The following TRANK1 variants were observed in gnomAD, a reference collection of about 807,000 sequenced individuals.
The protein encoded by TRANK1 is tetratricopeptide repeat and ankyrin repeat containing 1.
Under a neutral mutation model 266.0 loss-of-function variants are expected in TRANK1, and 198 were observed. The observed-to-expected ratio is 0.74, with a 90% confidence interval of 0.66 to 0.84. The LOEUF (loss-of-function observed/expected upper bound fraction) is 0.84, where lower values mean the gene tolerates loss of function less well. TRANK1 is among the 40% of genes least tolerant of loss of function. The probability of loss-of-function intolerance (pLI) is 0.00; values close to 1 mark genes in which losing one functional copy is unlikely to be tolerated. For missense variants in TRANK1, 3,326 were observed against 3,634.6 expected (o/e 0.92, Z 2.18); for synonymous variants, 1,396 against 1,384.1 (o/e 1.01, Z -0.19).
chr3:36,861,282 T>C, intron 10 of TRANK1, 122 bp from the exon 11 acceptor site: 1 of 1,232,920 alleles, frequency 8.1e-7, no homozygotes, highest in South Asian at 1.6e-5. Context: ...AGTTGATTAT[T>C]TGGGCCATGT....
At chr3:36,861,204 G>A (rs2079137802) in intron 10 of TRANK1, 44 bp from the exon 11 acceptor site, 4 of 1,517,202 alleles carry the variant, frequency 2.6e-6, no homozygotes, top group Non-Finnish European at 2.6e-6. Context: ...ATGTTCATAT[G>A]ATTTCTCTTC....
At position 36,857,196 on chromosome 3, in the gene TRANK1, C is replaced by A; in HGVS notation, c.2526G>T (p.Met842Ile). The change falls in exon 13 of 24, where the codon ATG (methionine) becomes ATT (isoleucine). Residue 842 changes from methionine to isoleucine, a missense_variant. Met to Ile is a conservative substitution (Grantham distance 10). Transcript: ENST00000645898. This position sits in a 1 kb window ranked among gnomAD's most constrained non-coding sequence, Gnocchi z 4.3. ...TTACCTTACTAGACAGCTTCTTCAGCATTTCTGAAGTGCACTCGATCTCCC... is the reference window on the plus strand; with the variant it reads ...TTACCTTACTAGACAGCTTCTTCAGAATTTCTGAAGTGCACTCGATCTCCC... The part of the protein sequence containing the change: ...MTWEIECTSE[M>I]LKKLSSKVMT... 6.2e-7 allele frequency: 1 copy of A among 1,613,962 alleles called. No individual in the cohort carries two copies. The highest frequency in any genetic ancestry group is 1.1e-5 in the South Asian group (1 of 91,082).
chr3:36,895,767 A>C lies in TRANK1; in HGVS notation c.434-9T>G, dbSNP rs1335084669. 2 of 1,512,650 alleles carry C rather than the reference A, an allele frequency of 1.3e-6. No individual in the cohort carries two copies. The highest frequency in any genetic ancestry group is 2.5e-5 in the South Asian group (2 of 80,810). The allele number at this position is 1,512,650 out of a possible 1,614,324, so 93.7% of individuals were successfully genotyped here. A position where few individuals can be genotyped will look rare whatever the true frequency, so the allele number is the denominator to read the frequency against. The stretch of plus-strand genomic sequence containing the variant: ...CAAAACAATGGAGTCACCTAAAAGA[A>C]AGTTTCATAATTTAGGGATTTTAAT... On this transcript the variant is annotated splice_polypyrimidine_tract_variant and intron_variant, in intron 4 of 23. Coordinates refer to ENST00000645898, the MANE Select transcript of TRANK1 (RefSeq NM_001329998.2).
Position 36,857,938 on chromosome 3 carries a change from A to C in TRANK1, c.1784T>G (p.Met595Arg). ...CATGCCCTTCTGGAAGAGGATGTGCATCAGCGTGTTCCCATTGCTGTCCTG... is the reference window on the plus strand; with the variant it reads ...CATGCCCTTCTGGAAGAGGATGTGCCTCAGCGTGTTCCCATTGCTGTCCTG... The part of the protein sequence containing the change: ...NVQDSNGNTL[M>R]HILFQKGMLK... Residue 595 changes from methionine to arginine, a missense_variant, in exon 13 of 24, where the codon ATG becomes AGG. Transcript: ENST00000645898. This position sits in a 1 kb window ranked among gnomAD's most constrained non-coding sequence, Gnocchi z 4.3. 1.2e-6 allele frequency: 2 copies of C among 1,604,138 alleles called. No homozygotes were observed. The highest frequency in any genetic ancestry group is 1.7e-6 in the Non-Finnish European group (2 of 1,179,844).
chr3:36,857,772 C>A lies in TRANK1; in HGVS notation c.1950G>T (p.Met650Ile). The A allele has an allele frequency of 6.2e-7, 1 of 1,614,034 alleles. No homozygotes were observed. The highest frequency in any genetic ancestry group is 8.5e-7 in the Non-Finnish European group (1 of 1,179,896). ...SLLLAWNKAL[M>I]ENRRRSRQDS... is the part of the protein sequence containing the mutation. ...CCTGCCGGCTCCTCCTCCTGTTCTC[C>A]ATCAGAGCTTTGTTCCAGGCCAAGA... Residue 650 changes from methionine to isoleucine, a missense_variant, in exon 13 of 24, where the codon ATG (methionine) becomes ATT (isoleucine). By Grantham distance (10) the Met-to-Ile change is conservative. Coordinates refer to ENST00000645898, the MANE Select transcript of TRANK1 (RefSeq NM_001329998.2). This position sits in a 1 kb window ranked among gnomAD's most constrained non-coding sequence, Gnocchi z 4.3.
Position 36,847,314 on chromosome 3 carries a change from G to A in TRANK1, c.4920C>T (p.Phe1640=). 1.2e-6 allele frequency: 2 copies of A among 1,613,656 alleles called. No homozygotes were observed. Among genetic ancestry groups the A allele is most frequent in the Non-Finnish European group, 1.7e-6 (2 of 1,179,748 alleles). ...AYKEWKIISS[F]TPTSTDSREE... ...CTCTGGAGTCAGTTGAGGTAGGTGT[G>A]AATGAGGAAATGATCTTCCATTCCT... The change falls in exon 16 of 24, where the codon TTC becomes TTT. Residue 1640 remains phenylalanine, a synonymous_variant. Transcript: ENST00000645898.
At chr3:36,891,304 C>G (rs2079691702) in intron 7 of TRANK1, among the ~76,000 whole-genome samples, 1 of 152,136 alleles carries the variant, frequency 6.6e-6, no homozygotes, top group African/African-American at 2.4e-5. Context: ...CACGTCACTG[C>G]ACTCCCCCAG....
intron 1 of TRANK1, among the ~76,000 whole-genome samples, chr3:36,938,365 C>T (rs1044812798): frequency 1.1e-4 from 16 of 152,006 alleles, no homozygotes; most frequent in Admixed American, 2.6e-4. Context: ...ATTACAGGCG[C>T]CCGCCACCAT....
intron 3 of TRANK1, among the ~76,000 whole-genome samples, chr3:36,901,499 T>C (rs1429362991): frequency 6.6e-6 from 1 of 152,182 alleles, no homozygotes; most frequent in African/African-American, 2.4e-5. Context: ...TTATTAAAAA[T>C]ATCATAGAAG....
At chr3:36,866,169 A>G (rs951461148) in intron 9 of TRANK1, among the ~76,000 whole-genome samples, 7 of 152,210 alleles carry the variant, frequency 4.6e-5, no homozygotes, top group Admixed American at 2.6e-4. Context: ...TTAGGTATCA[A>G]AAAGTATTGT....
chr3:36,938,198 T>A (rs2080448766), intron 1 of TRANK1, among the ~76,000 whole-genome samples: 1 of 151,744 alleles, frequency 6.6e-6, no homozygotes, highest in African/African-American at 2.4e-5. Flanking sequence ...CCTCTGGGTT[T>A]TTTTGTTTGT....
At chr3:36,904,952 C>T (rs2079940089) in intron 2 of TRANK1, among the ~76,000 whole-genome samples, 1 of 151,758 alleles carries the variant, frequency 6.6e-6, no homozygotes, top group African/African-American at 2.4e-5. Context: ...TACACCCATA[C>T]TAGGGACTGA....
chr3:36,869,596 TA>T (rs2079276776), intron 9 of TRANK1, among the ~76,000 whole-genome samples: 1 of 152,226 alleles, frequency 6.6e-6, no homozygotes. Flanking sequence ...GGGGAAGGAT[TA>T]AGGTCCATAA....
At chr3:36,921,563 T>A (rs979455598) in intron 1 of TRANK1, among the ~76,000 whole-genome samples, 1 of 152,182 alleles carries the variant, frequency 6.6e-6, no homozygotes, top group Non-Finnish European at 1.5e-5. Flanking sequence ...TGAAGGTTGC[T>A]ATAACTCCAG....
chr3:36,866,378 A>C (rs1007949522), intron 9 of TRANK1, among the ~76,000 whole-genome samples: 1 of 152,206 alleles, frequency 6.6e-6, no homozygotes, highest in Non-Finnish European at 1.5e-5. Context: ...AATTAAAAGC[A>C]TGCTTCAGTC....
chr3:36,854,331 G>A (rs1158964116), intron 13 of TRANK1, among the ~76,000 whole-genome samples: 1 of 151,616 alleles, frequency 6.6e-6, no homozygotes, highest in African/African-American at 2.4e-5. Context: ...CTGCACTCCG[G>A]CCTGAGCAAC....
chr3:36,894,267 G>T (rs2079755326), intron 5 of TRANK1, among the ~76,000 whole-genome samples: 1 of 152,156 alleles, frequency 6.6e-6, no homozygotes, highest in African/African-American at 2.4e-5. Context: ...ACCCCACACT[G>T]GGAAGAGAGG....
rs377616725 is a variant in TRANK1 at position 36,879,771 on chromosome 3, A to AAT, written c.908-5477_908-5476dup. Among the ~76,000 whole-genome samples, 7 of 92,062 alleles carry AAT rather than the reference A, an allele frequency of 7.6e-5. 2 individuals carry two copies. Among genetic ancestry groups the AAT allele is most frequent in the Non-Finnish European group, 1.4e-4 (7 of 49,974 alleles). The allele number at this position is 92,062 out of a possible 152,430, so 60.4% of individuals were successfully genotyped here. On this transcript the variant is annotated intron_variant, in intron 8 of 23. Coordinates refer to ENST00000645898, the MANE Select transcript of TRANK1 (RefSeq NM_001329998.2). ...ATATAAATATATATAAATATATATAAATATATATAAATATGTAAATATATA... is the reference window on the plus strand; with the variant it reads ...ATATAAATATATATAAATATATATAAATATATATATAAATATGTAAATATATA...
chr3:36,884,530 A>G (rs1432147821), intron 8 of TRANK1, among the ~76,000 whole-genome samples: 1 of 152,198 alleles, frequency 6.6e-6, no homozygotes, highest in African/African-American at 2.4e-5. Flanking sequence ...ATAAATAATC[A>G]TACCATTGGA....
Sources: gnomAD v4.1 joint callset for allele counts (sites outside exome capture counted in the v4.1 genomes callset) on GRCh38, gnomAD v4.1.1 for gene constraint, Gnocchi (gnomAD v3.1) non-coding constraint, MANE v1.5 for transcripts, NCBI Gene and HGNC (gene_info 2026-07-23, HGNC 2026-07-21) for gene names.